The following SCAPER variants were observed in gnomAD, a reference collection of about 807,000 sequenced individuals.
SCAPER encodes the protein S-phase cyclin A associated protein in the ER.
SCAPER carries 98 observed loss-of-function variants against 182.2 expected under a neutral mutation model. That is an observed-to-expected ratio of 0.54 (90% CI 0.46 to 0.64). SCAPER has a LOEUF of 0.64. Ranked by LOEUF, SCAPER falls within the 30% of genes least tolerant of loss-of-function variation. The probability of loss-of-function intolerance (pLI) is 0.00; values close to 1 mark genes in which losing one functional copy is unlikely to be tolerated. For synonymous variants in SCAPER, 605 were observed against 564.6 expected (o/e 1.07, Z -1.01); for missense variants, 1,432 against 1,690.0 (o/e 0.85, Z 2.68).
intron 26 of SCAPER, among the ~76,000 whole-genome samples, chr15:76,427,915 A>G (rs1468248691): frequency 2.1e-5 from 3 of 145,422 alleles, no homozygotes; most frequent in African/African-American, 7.9e-5. Context: ...CCTGGGTGAC[A>G]TGAGCAAAAC....
chr15:76,651,196 C>CA (rs1484138718), intron 21 of SCAPER, among the ~76,000 whole-genome samples: 1 of 151,848 alleles, frequency 6.6e-6, no homozygotes. Flanking sequence ...TCAAATGCAG[C>CA]AAAAATTTGT....
intron 21 of SCAPER, among the ~76,000 whole-genome samples, chr15:76,653,942 T>C (rs2055390916): frequency 6.6e-6 from 1 of 152,148 alleles, no homozygotes; most frequent in Non-Finnish European, 1.5e-5. Flanking sequence ...TGGGAGAAGA[T>C]ATTCAGAAAC....
chr15:76,683,337 T>A (rs1263808886), intron 20 of SCAPER, among the ~76,000 whole-genome samples: 3 of 151,830 alleles, frequency 2.0e-5, no homozygotes, highest in Non-Finnish European at 4.4e-5. Flanking sequence ...CCGAATTAAC[T>A]CAGTCAAACA....
intron 8 of SCAPER, among the ~76,000 whole-genome samples, chr15:76,780,685 G>A (rs1456952612): frequency 6.6e-6 from 1 of 152,164 alleles, no homozygotes; most frequent in East Asian, 1.9e-4. Flanking sequence ...TCCAGAGGAA[G>A]GATCAGGCAG....
chr15:76,525,443 T>C (rs910075306), intron 23 of SCAPER, among the ~76,000 whole-genome samples: 7 of 152,302 alleles, frequency 4.6e-5, no homozygotes, highest in Middle Eastern at 3.4e-3. Flanking sequence ...ATGGGAATAC[T>C]ACATGATGCT....
chr15:76,731,846 C>G (rs2060937545), intron 16 of SCAPER, among the ~76,000 whole-genome samples: 1 of 152,148 alleles, frequency 6.6e-6, no homozygotes, highest in Admixed American at 6.5e-5. Context: ...GTTTAGTAAA[C>G]TGTTTTCCTT....
At chr15:76,460,724 A>C (rs1009431148) in intron 25 of SCAPER, among the ~76,000 whole-genome samples, 22 of 152,104 alleles carry the variant, frequency 1.4e-4, no homozygotes, top group African/African-American at 3.9e-4. Flanking sequence ...CATTCTTCAG[A>C]CTACATTAAT....
At chr15:76,474,183 C>T (rs896218977) in intron 24 of SCAPER, among the ~76,000 whole-genome samples, 2 of 152,168 alleles carry the variant, frequency 1.3e-5, no homozygotes, top group African/African-American at 2.4e-5. Context: ...ATGGGGTAGG[C>T]TCCTGACATC....
intron 2 of SCAPER, among the ~76,000 whole-genome samples, chr15:76,882,614 G>A (rs2151955560): frequency 6.6e-6 from 1 of 152,336 alleles, no homozygotes; most frequent in Admixed American, 6.5e-5. Context: ...AGAGTATGAA[G>A]TGGGAGGGAT....
Position 76,819,391 on chromosome 15 carries a change from C to T in SCAPER, c.394-14758G>A, listed in dbSNP as rs971736452. 2.0e-5 allele frequency among the ~76,000 whole-genome samples: 3 copies of T among 152,144 alleles called. No individual in the cohort carries two copies. The East Asian group carries it at 5.8e-4, about 29-fold the overall frequency. Reference sequence around the variant, plus strand: ...TGGGTACTCCTCTGAGACAAAACTTCCAGAGGAACGATCAGGCAGCAGCAT... The same window carrying T: ...TGGGTACTCCTCTGAGACAAAACTTTCAGAGGAACGATCAGGCAGCAGCAT... On this transcript the variant is annotated intron_variant, in intron 5 of 31. Transcript: ENST00000563290.
intron 1 of SCAPER, among the ~76,000 whole-genome samples, chr15:76,897,973 C>A (rs1374979434): frequency 6.6e-6 from 1 of 151,994 alleles, no homozygotes; most frequent in Non-Finnish European, 1.5e-5. Flanking sequence ...TCACAGATTA[C>A]CACAAAGGAT....
At chr15:76,421,664 G>A (rs1381215183) in intron 26 of SCAPER, among the ~76,000 whole-genome samples, 1 of 152,190 alleles carries the variant, frequency 6.6e-6, no homozygotes, top group East Asian at 1.9e-4. Context: ...TGTTGCCATT[G>A]CTTTTGGTGT....
chr15:76,637,722 T>TTATA lies in SCAPER; in HGVS notation c.2646-15897_2646-15894dup, dbSNP rs369760680. Among the ~76,000 whole-genome samples the TTATA allele has an allele frequency of 5.0e-3, 386 of 77,596 alleles. 5 individuals are homozygous for TTATA. The highest frequency in any genetic ancestry group is 5.3e-3 in the African/African-American group (111 of 20,954). 50.9% of individuals were successfully genotyped at this position (77,596 alleles called of 152,430 possible). A position where few individuals can be genotyped will look rare whatever the true frequency, so the allele number is the denominator to read the frequency against. ...CCCTATCTCTACAATATATATGTGATTATATATATATATATATATATGTGT... is the reference window on the plus strand; with the variant it reads ...CCCTATCTCTACAATATATATGTGATTATATATATATATATATATATATATGTGT... On this transcript the variant is annotated intron_variant, in intron 21 of 31. Coordinates refer to ENST00000563290, the MANE Select transcript of SCAPER (RefSeq NM_020843.4).
chr15:76,506,075 G>A (rs1435151036), intron 23 of SCAPER, among the ~76,000 whole-genome samples: 8 of 152,066 alleles, frequency 5.3e-5, no homozygotes, highest in African/African-American at 1.7e-4. Context: ...ATAGAGAATG[G>A]AAGGATGGGT....
intron 20 of SCAPER, among the ~76,000 whole-genome samples, chr15:76,695,422 G>A (rs1036606015): frequency 6.6e-6 from 1 of 151,632 alleles, no homozygotes; most frequent in Non-Finnish European, 1.5e-5. Context: ...ATGGTAAAAC[G>A]CCATCTCTAC....
At chr15:76,826,035 C>T (rs1010569084) in intron 5 of SCAPER, among the ~76,000 whole-genome samples, 1 of 152,116 alleles carries the variant, frequency 6.6e-6, no homozygotes, top group African/African-American at 2.4e-5. Context: ...CGTGAGCCTC[C>T]GTGCCTGGCC....
At chr15:76,686,038 CAA>C (rs1284641484) in intron 20 of SCAPER, among the ~76,000 whole-genome samples, 1 of 151,654 alleles carries the variant, frequency 6.6e-6, no homozygotes, top group East Asian at 1.9e-4. Context: ...AAGTAGAACA[CAA>C]AAAGTACTAT....
intron 21 of SCAPER, among the ~76,000 whole-genome samples, chr15:76,629,345 A>AG (rs2052884005): frequency 6.6e-6 from 1 of 152,168 alleles, no homozygotes; most frequent in Non-Finnish European, 1.5e-5. Flanking sequence ...CCAGTTTTTG[A>AG]GGGGAATGCT....
intron 22 of SCAPER, among the ~76,000 whole-genome samples, chr15:76,599,406 G>C (rs1375427676): frequency 3.3e-5 from 4 of 121,726 alleles, no homozygotes; most frequent in Non-Finnish European, 8.0e-5. Context: ...GCACATTCAT[G>C]CCTAGGTGTT....
Sources: allele counts gnomAD v4.1 joint callset (sites outside exome capture counted in the v4.1 genomes callset), GRCh38; gene constraint gnomAD v4.1.1; transcripts MANE v1.5; gene names NCBI Gene and HGNC (gene_info 2026-07-23, HGNC 2026-07-21).